The following EYS variants were observed in gnomAD, a reference collection of about 807,000 sequenced individuals.
EYS encodes EGF-like photoreceptor maintenance factor, also known as protein eyes shut homolog.
Under a neutral mutation model 282.1 loss-of-function variants are expected in EYS, and 250 were observed. The ratio of observed to expected loss-of-function variants is 0.89; its 90% CI spans 0.80 to 0.98. The LOEUF (loss-of-function observed/expected upper bound fraction) is 0.98. EYS is among the 50% of genes least tolerant of loss of function. EYS has a pLI of 0.00. For missense variants in EYS, 4,016 were observed against 3,709.0 expected, an observed-to-expected ratio of 1.08 and a Z score of -2.15; for synonymous variants, 1,355 against 1,282.9, an observed-to-expected ratio of 1.06 and a Z score of -1.20.
chr6:64,244,297 T>G (rs1003663298), intron 30 of EYS, among the ~76,000 whole-genome samples: 1 of 152,164 alleles, frequency 6.6e-6, no homozygotes, highest in Non-Finnish European at 1.5e-5. Flanking sequence ...CAAATAAGAT[T>G]TGTTGGTCTT....
At chr6:65,179,574 A>C (rs1765320055) in intron 12 of EYS, among the ~76,000 whole-genome samples, 1 of 151,954 alleles carries the variant, frequency 6.6e-6, no homozygotes, top group South Asian at 2.1e-4. Flanking sequence ...ACAGCTTAGC[A>C]ACCAAAAAAA....
At chr6:65,697,441 T>C (rs1017645062) in intron 1 of EYS, among the ~76,000 whole-genome samples, 30 of 152,084 alleles carry the variant, frequency 2.0e-4, no homozygotes, top group African/African-American at 7.2e-4. Flanking sequence ...TTTGTGCAGG[T>C]AGTCTTTCAG....
In EYS at chr6:64,930,099, G is replaced by A. The variant is rs180711247; in HGVS notation, c.2381+15694C>T. Among the ~76,000 whole-genome samples the A allele has an allele frequency of 1.5e-3, 229 of 152,012 alleles. 1 individual carries two copies. The highest frequency in any genetic ancestry group is 5.1e-3 in the African/African-American group (211 of 41,472). ...AAAGATAATTTGATAAAAACTACTC[G>A]AATATTTAATGTAGACACACTTTGA... On this transcript the variant is annotated intron_variant, in intron 15 of 42. Transcript: ENST00000503581.
intron 35 of EYS, among the ~76,000 whole-genome samples, chr6:63,952,956 G>C (rs1442873725): frequency 6.6e-6 from 1 of 152,064 alleles, no homozygotes; most frequent in Non-Finnish European, 1.5e-5. Context: ...AAACTCTCCT[G>C]ACAATTCTCC....
At chr6:65,628,777 C>A (rs537068547) in intron 2 of EYS, among the ~76,000 whole-genome samples, 16 of 152,292 alleles carry the variant, frequency 1.1e-4, no homozygotes, top group African/African-American at 3.4e-4. Context: ...ACTCCAGACG[C>A]GCCACCTTAA....
chr6:64,955,559 G>T (rs1250102231), intron 14 of EYS, among the ~76,000 whole-genome samples: 4 of 152,106 alleles, frequency 2.6e-5, no homozygotes, highest in Non-Finnish European at 5.9e-5. Context: ...TGTTTGCTCA[G>T]AAGGGATTTA....
intron 5 of EYS, among the ~76,000 whole-genome samples, chr6:65,457,097 T>C (rs937258239): frequency 1.3e-5 from 2 of 152,244 alleles, no homozygotes; most frequent in South Asian, 4.1e-4. Flanking sequence ...ATGGAAGCAA[T>C]TAATTGCTGA....
chr6:65,632,825 T>C (rs1766963840), intron 2 of EYS, among the ~76,000 whole-genome samples: 1 of 152,194 alleles, frequency 6.6e-6, no homozygotes, highest in South Asian at 2.1e-4. Flanking sequence ...TTAACTTCCA[T>C]GTTCCATAGG....
chr6:64,895,761 AT>A (rs1365714576), intron 18 of EYS, among the ~76,000 whole-genome samples: 8 of 152,144 alleles, frequency 5.3e-5, no homozygotes, highest in Admixed American at 1.3e-4. Context: ...ATCTGAGTTT[AT>A]TTTTTAAGTG....
intron 22 of EYS, among the ~76,000 whole-genome samples, chr6:64,697,941 AAAAC>A (rs946758143): frequency 5.9e-5 from 9 of 151,514 alleles, no homozygotes; most frequent in East Asian, 3.9e-4. Flanking sequence ...ACTCCGTCTC[AAAAC>A]AAACAAACAA....
intron 5 of EYS, among the ~76,000 whole-genome samples, chr6:65,472,933 A>G (rs1434449251): frequency 6.6e-6 from 1 of 151,810 alleles, no homozygotes; most frequent in Non-Finnish European, 1.5e-5. Context: ...TCCCTAGGTT[A>G]TGCTTTCATA....
intron 30 of EYS, among the ~76,000 whole-genome samples, chr6:64,266,767 G>A (rs541622821): frequency 6.6e-6 from 1 of 152,184 alleles, no homozygotes; most frequent in Non-Finnish European, 1.5e-5. Context: ...TACTCTCTAG[G>A]GGACATGGGC....
intron 31 of EYS, among the ~76,000 whole-genome samples, chr6:64,223,076 C>T (rs530829923): frequency 6.6e-6 from 1 of 151,834 alleles, no homozygotes; most frequent in African/African-American, 2.4e-5. Flanking sequence ...GCTTAAATGG[C>T]ATTTCCTCAT....
intron 22 of EYS, among the ~76,000 whole-genome samples, chr6:64,719,166 G>A (rs1219857128): frequency 6.6e-6 from 1 of 152,120 alleles, no homozygotes. Flanking sequence ...AGTCAGCAAG[G>A]AAAAGGAAAT....
At chr6:64,005,388 G>A (rs762581960) in intron 33 of EYS, among the ~76,000 whole-genome samples, 1 of 152,108 alleles carries the variant, frequency 6.6e-6, no homozygotes, top group Admixed American at 6.5e-5. Flanking sequence ...CAGATGCATA[G>A]TTTGAAATAT....
intron 31 of EYS, among the ~76,000 whole-genome samples, chr6:64,175,763 C>T (rs545788891): frequency 7.9e-5 from 12 of 152,178 alleles, no homozygotes; most frequent in South Asian, 2.1e-4. Context: ...GTCACCCCAA[C>T]GGCAACTGTG....
chr6:65,179,994 C>A lies in EYS; in HGVS notation c.2023+115869G>T, dbSNP rs535515186. On this transcript the variant is annotated intron_variant, in intron 12 of 42. Transcript: ENST00000503581. ...CAATAGATGCATAAAAGGCCTTTGACAAAATTCAACAACCTTCATGCTAAA... is the reference window on the plus strand; with the variant it reads ...CAATAGATGCATAAAAGGCCTTTGAAAAAATTCAACAACCTTCATGCTAAA... Among the ~76,000 whole-genome samples the A allele has an allele frequency of 1.9e-4, 29 of 152,140 alleles. 1 individual carries two copies. Among genetic ancestry groups the A allele is most frequent in the African/African-American group, 5.1e-4 (21 of 41,512 alleles).
In EYS at chr6:65,495,415, G is replaced by T; in HGVS notation, c.-5C>A. 1 of 1,607,762 alleles carries T rather than the reference G, an allele frequency of 6.2e-7. No homozygotes were observed. Among genetic ancestry groups the T allele is most frequent in the Non-Finnish European group, 8.5e-7 (1 of 1,179,872 alleles). On this transcript the variant is annotated 5_prime_UTR_variant, in exon 4 of 43. Transcript: ENST00000503581. Reference sequence around the variant, plus strand: ...GACGATTGATTTGTCAGTCATTTTCGGGTAGCTGTATTTTACAGTTTATCA... The same window carrying T: ...GACGATTGATTTGTCAGTCATTTTCTGGTAGCTGTATTTTACAGTTTATCA...
chr6:65,235,644 G>A (rs1221067925), intron 12 of EYS, among the ~76,000 whole-genome samples: 1 of 152,122 alleles, frequency 6.6e-6, no homozygotes, highest in Non-Finnish European at 1.5e-5. Flanking sequence ...AATCTTCAGA[G>A]TTTGAGCTTC....
Sources: allele counts gnomAD v4.1 joint callset (sites outside exome capture counted in the v4.1 genomes callset), GRCh38; gene constraint gnomAD v4.1.1; transcripts MANE v1.5; gene names NCBI Gene and HGNC (gene_info 2026-07-23, HGNC 2026-07-21).